The following SND1 variants were observed in gnomAD, a reference collection of about 807,000 sequenced individuals.
SND1 encodes the protein staphylococcal nuclease and tudor domain containing 1, also known as staphylococcal nuclease domain-containing protein 1.
SND1 carries 38 observed loss-of-function variants against 121.7 expected under a neutral mutation model. That is an observed-to-expected ratio of 0.31 (90% CI 0.24 to 0.41). The LOEUF is 0.41. Ranked by LOEUF, SND1 falls within the 10% of genes least tolerant of loss-of-function variation. SND1 has a pLI of 1.00. For synonymous variants in SND1, 401 were observed against 447.4 expected, an observed-to-expected ratio of 0.90 and a Z score of 1.31; for missense variants, 868 against 1,184.6, an observed-to-expected ratio of 0.73 and a Z score of 3.92.
chr7:128,074,427 TG>T (rs1793470192), intron 16 of SND1, 74 bp from the exon 17 acceptor site: 1 of 1,461,032 alleles, frequency 6.8e-7, no homozygotes, highest in East Asian at 2.4e-5. Flanking sequence ...TCGGCGCTGC[TG>T]TCCTCCCCAC....
chr7:128,007,912 G>C (rs149388539), intron 16 of SND1: 2 of 152,298 alleles, frequency 1.3e-5, no homozygotes, highest in Non-Finnish European at 2.9e-5. Flanking sequence ...ACATTTCACA[G>C]TAAATGAGAA....
At chr7:127,953,279 T>C (rs1344264255) in intron 15 of SND1, among the ~76,000 whole-genome samples, 1 of 150,840 alleles carries the variant, frequency 6.6e-6, no homozygotes, top group Non-Finnish European at 1.5e-5. Flanking sequence ...CCTGCCAACA[T>C]CAAGATCTGC....
rs1027418208 is a variant in SND1, at chr7:127,934,115, C to T, written c.1669+4786C>T. 5.3e-5 allele frequency among the ~76,000 whole-genome samples: 8 copies of T among 152,002 alleles called. No homozygotes were observed. The East Asian group carries it at 1.6e-3, about 29-fold the overall frequency. ...TCTTTAGGTGGACATCAGAGAACAC[C>T]TCCCTAGGTGCTGGTATCTTGAGCT... On this transcript the variant is annotated intron_variant, in intron 15 of 23. Transcript: ENST00000354725.
chr7:127,706,158 A>G (rs1295281457), intron 8 of SND1, among the ~76,000 whole-genome samples: 3 of 152,014 alleles, frequency 2.0e-5, no homozygotes, highest in African/African-American at 7.3e-5. Context: ...TACAATGCTC[A>G]ATTTCTGTTT....
rs1584763111 is a variant in SND1, at chr7:128,052,403, A to G, written c.1780-22099A>G. Reference sequence around the variant, plus strand: ...CTCCTCCCGTTTGTGACTCCACTTCATTGCCACAGCTTGTCTTCCCGCCCA... The same window carrying G: ...CTCCTCCCGTTTGTGACTCCACTTCGTTGCCACAGCTTGTCTTCCCGCCCA... On this transcript the variant is annotated intron_variant, in intron 16 of 23. Coordinates refer to ENST00000354725, the MANE Select transcript of SND1 (RefSeq NM_014390.4). The surrounding 1 kb of genome is among the most constrained non-coding windows in gnomAD (Gnocchi z 4.6). Among the ~76,000 whole-genome samples the G allele has an allele frequency of 6.6e-6, 1 of 152,102 alleles. No individual in the cohort carries two copies. Among genetic ancestry groups the G allele is most frequent in the South Asian group, 2.1e-4 (1 of 4,822 alleles).
intron 11 of SND1, among the ~76,000 whole-genome samples, chr7:127,824,393 T>C (rs1448514798): frequency 6.6e-6 from 1 of 152,220 alleles, no homozygotes; most frequent in African/African-American, 2.4e-5. Context: ...GTGATGTAGA[T>C]GAAATCTGTT....
At chr7:127,798,234 G>C (rs1798061150) in intron 10 of SND1, among the ~76,000 whole-genome samples, 1 of 152,164 alleles carries the variant, frequency 6.6e-6, no homozygotes, top group African/African-American at 2.4e-5. Flanking sequence ...TTCTCCTACT[G>C]GCAAGCTGCC....
intron 10 of SND1, among the ~76,000 whole-genome samples, chr7:127,768,697 A>T (rs2116493015): frequency 6.6e-6 from 1 of 152,372 alleles, no homozygotes; most frequent in South Asian, 2.1e-4. Context: ...TTTAAATATC[A>T]GAATGACAAA....
intron 16 of SND1, among the ~76,000 whole-genome samples, chr7:128,049,266 C>G (rs557782304): frequency 2.0e-5 from 3 of 152,262 alleles, no homozygotes; most frequent in Admixed American, 6.5e-5. Context: ...TTGATCCACT[C>G]TGTCAAGTGC....
intron 8 of SND1, among the ~76,000 whole-genome samples, chr7:127,706,562 A>G (rs1442995339): frequency 6.6e-6 from 1 of 152,092 alleles, no homozygotes; most frequent in African/African-American, 2.4e-5. Flanking sequence ...CTGGCCCAGT[A>G]TCTTGCCTTT....
At chr7:127,938,405 A>G (rs1801111136) in intron 15 of SND1, among the ~76,000 whole-genome samples, 1 of 152,232 alleles carries the variant, frequency 6.6e-6, no homozygotes, top group Admixed American at 6.5e-5. Flanking sequence ...GTAGATGGCC[A>G]TACAAATAAT....
At chr7:127,916,026 GTGTGTGTT>G (rs1800569704) in intron 14 of SND1, among the ~76,000 whole-genome samples, 1 of 136,530 alleles carries the variant, frequency 7.3e-6, no homozygotes, top group Non-Finnish European at 1.6e-5. Flanking sequence ...GTGTGTGTGT[GTGTGTGTT>G]TATGTGTGTA....
intron 11 of SND1, among the ~76,000 whole-genome samples, chr7:127,813,950 T>C (rs1798380255): frequency 6.6e-6 from 1 of 152,226 alleles, no homozygotes; most frequent in Non-Finnish European, 1.5e-5. Flanking sequence ...AGTTTTCAAC[T>C]GCGTTCCTGG....
intron 13 of SND1, among the ~76,000 whole-genome samples, chr7:127,889,767 A>T (rs1012463982): frequency 6.6e-6 from 1 of 152,076 alleles, no homozygotes; most frequent in Non-Finnish European, 1.5e-5. Flanking sequence ...AAGTCAGAAC[A>T]TGCAGTGTTT....
rs1048492585 is a variant in SND1 at position 127,887,951 on chromosome 7, T to C, written c.1393T>C (p.Tyr465His). ...CAAAGGTCTAGCCACAGTGATCAGA[T>C]ACCGGCAGGATGATGACCAGAGATC... ...VSKGLATVIR[Y>H]RQDDDQRSSH... Residue 465 changes from tyrosine (Y) to histidine (H), a missense_variant, in exon 13 of 24, where the codon TAC (tyrosine) becomes CAC (histidine). Transcript: ENST00000354725. 15 of 1,612,252 alleles carry C rather than the reference T, an allele frequency of 9.3e-6. No individual in the cohort carries two copies. Among genetic ancestry groups the C allele is most frequent in the Non-Finnish European group, 1.3e-5 (15 of 1,178,976 alleles).
intron 8 of SND1, among the ~76,000 whole-genome samples, chr7:127,707,164 T>C (rs573772083): frequency 6.6e-6 from 1 of 152,368 alleles, no homozygotes; most frequent in East Asian, 1.9e-4. Context: ...ATTTGGTAGC[T>C]GGTAACCTTT....
chr7:128,015,520 A>G lies in SND1; in HGVS notation c.1779+24464A>G, dbSNP rs889217804. Among the ~76,000 whole-genome samples the G allele has an allele frequency of 4.6e-5, 7 of 152,172 alleles. No homozygotes were observed. Among genetic ancestry groups the G allele is most frequent in the African/African-American group, 1.7e-4 (7 of 41,432 alleles). ...CTTTTCCTACCCTTACCTCATTTTA[A>G]TATAGACTTTGGCAACTTCTCAAAG... On this transcript the variant is annotated intron_variant, in intron 16 of 23. Transcript: ENST00000354725. The surrounding 1 kb of genome is among the most constrained non-coding windows in gnomAD (Gnocchi z 4.5).
At chr7:127,974,190 CA>C (rs1209859184) in intron 15 of SND1, among the ~76,000 whole-genome samples, 1 of 152,188 alleles carries the variant, frequency 6.6e-6, no homozygotes, top group African/African-American at 2.4e-5. Context: ...CCAAAGCCTG[CA>C]GTATTTTAAA....
intron 10 of SND1, among the ~76,000 whole-genome samples, chr7:127,766,771 C>CAAAAAAAAAAAAAAAAAAAAAAAAAAA (rs59243807): frequency 3.0e-5 from 1 of 33,202 alleles, no homozygotes; most frequent in Non-Finnish European, 5.8e-5. Flanking sequence ...GACTTTGTCT[C>CAAAAAAAAAAAAAAAAAAAAAAAAAAA]AAAAAAAAAA....
Sources: gnomAD v4.1 joint callset for allele counts (sites outside exome capture counted in the v4.1 genomes callset) on GRCh38, gnomAD v4.1.1 for gene constraint, Gnocchi (gnomAD v3.1) non-coding constraint, MANE v1.5 for transcripts, NCBI Gene and HGNC (gene_info 2026-07-23, HGNC 2026-07-21) for gene names.